The following DMD variants were observed in gnomAD, a reference collection of about 807,000 sequenced individuals.
DMD encodes the protein mutant dystrophin.
A neutral mutation model predicts 330.1 loss-of-function variants in DMD; 63 were observed. That is an observed-to-expected ratio of 0.19 (90% confidence interval 0.16 to 0.24). The LOEUF (loss-of-function observed/expected upper bound fraction) is 0.24. Ranked by LOEUF, DMD falls within the 10% of genes least tolerant of loss-of-function variation. The pLI is 1.00. For synonymous variants in DMD, 1,223 were observed against 959.8 expected (o/e 1.27, Z -5.07); for missense variants, 3,344 against 2,684.1 (o/e 1.25, Z -5.43).
chrX:31,426,955 A>C (rs917307476), intron 60 of DMD, among the ~76,000 whole-genome samples: 2 of 112,504 alleles, frequency 1.8e-5, no homozygotes, highest in Non-Finnish European at 3.7e-5. Flanking sequence ...AGGTTGAATG[A>C]ATATTTTACA....
Position 33,256,290 on chromosome X carries a change from A to T in DMD, c.7+82969T>A, listed in dbSNP as rs148531028. Reference sequence around the variant, plus strand: ...TATATTAGGGACAATTTCATGTCAAAACATTGAGTAGTCATGATATAATAA... The same window carrying T: ...TATATTAGGGACAATTTCATGTCAATACATTGAGTAGTCATGATATAATAA... On this transcript the variant is annotated intron_variant, in intron 1 of 17. Coordinates refer to the DMD transcript ENST00000288447. Among the ~76,000 whole-genome samples, 432 of 110,882 alleles carry T rather than the reference A, an allele frequency of 3.9e-3. 3 individuals are homozygous for T. Among genetic ancestry groups the T allele is most frequent in the African/African-American group, 0.013 (412 of 30,846 alleles).
rs777267263 is a variant in DMD, at chrX:31,592,285, A to G, written c.8217+35388T>C. ...TTAACAGTATGTCTAGTTAAAACAT[A>G]CATATATTCTACATATATGTAGTTT... On this transcript the variant is annotated intron_variant, in intron 55 of 78. Transcript: ENST00000357033. 2.8e-5 allele frequency among the ~76,000 whole-genome samples: 3 copies of G among 107,624 alleles called. No homozygotes were observed. The South Asian group carries it at 1.2e-3, about 43-fold the overall frequency. The allele number at this position is 107,624 out of a possible 115,157, so 93.5% of individuals were successfully genotyped here.
intron 9 of DMD, among the ~76,000 whole-genome samples, chrX:32,688,669 G>A (rs191951690): frequency 9.0e-6 from 1 of 111,397 alleles, no homozygotes; most frequent in East Asian, 2.8e-4. Context: ...TGAGAAAACT[G>A]AGTAATAGAG....
chrX:32,668,891 T>G (rs1450796195), intron 9 of DMD, among the ~76,000 whole-genome samples: 1 of 111,246 alleles, frequency 9.0e-6, no homozygotes, highest in Non-Finnish European at 1.9e-5. Context: ...GATTAAAACT[T>G]CTTATCGAAG....
intron 2 of DMD, among the ~76,000 whole-genome samples, chrX:32,957,132 T>G (rs2091641230): frequency 9.0e-6 from 1 of 111,644 alleles, no homozygotes. Flanking sequence ...ATGAACTTAC[T>G]TTTAGTGTCA....
At chrX:31,667,105 T>A (rs2081474600) in intron 53 of DMD, among the ~76,000 whole-genome samples, 1 of 111,711 alleles carries the variant, frequency 9.0e-6, no homozygotes, top group African/African-American at 3.3e-5. Flanking sequence ...CCATACCAAT[T>A]AACAGTCCCT....
chrX:32,935,915 A>C (rs2089985761), intron 2 of DMD, among the ~76,000 whole-genome samples: 1 of 111,462 alleles, frequency 9.0e-6, no homozygotes, highest in South Asian at 3.7e-4. Context: ...TGATTTCACT[A>C]GAAAGCATTA....
Position 31,922,216 on chromosome X carries a change from G to A in DMD, c.6912+7380C>T, listed in dbSNP as rs560646168. On this transcript the variant is annotated intron_variant, in intron 47 of 78. Coordinates refer to ENST00000357033, the MANE Select transcript of DMD (RefSeq NM_004006.3). ...AGAGGACAGAGTCCAGTGAGCTTCC[G>A]GGTAGCTGAACAGGTGGGGATTCCT... is the stretch of plus-strand genomic sequence containing the variant. Among the ~76,000 whole-genome samples the A allele has an allele frequency of 1.1e-4, 12 of 111,484 alleles. No individual in the cohort carries two copies. The South Asian group carries it at 3.8e-3, about 35-fold the overall frequency.
chrX:31,543,669 T>A (rs914339065), intron 55 of DMD, among the ~76,000 whole-genome samples: 3 of 112,342 alleles, frequency 2.7e-5, no homozygotes, highest in Non-Finnish European at 5.6e-5. Flanking sequence ...CTATTATAGA[T>A]ATGAAACATA....
At chrX:33,060,697 C>T (rs181999846) in intron 1 of DMD, among the ~76,000 whole-genome samples, 41 of 109,777 alleles carry the variant, frequency 3.7e-4, no homozygotes, top group African/African-American at 1.3e-3. Context: ...ATTAGCCGGG[C>T]GTGGTGGCAT....
At position 32,725,523 on chromosome X, in the gene DMD, A is replaced by C. The variant is rs371758514; in HGVS notation, c.650-26230T>G. 5.0e-3 allele frequency among the ~76,000 whole-genome samples: 557 copies of C among 111,194 alleles called. 13 individuals are homozygous for C. The highest frequency in any genetic ancestry group is 0.017 in the African/African-American group (528 of 30,694). On this transcript the variant is annotated intron_variant, in intron 7 of 78. Transcript: ENST00000357033. The stretch of plus-strand genomic sequence containing the variant: ...TTTCAGACAGAACAGATTTCAAGAC[A>C]AAAACAAAGAGTCAAAAAAGGTCAT...
At chrX:31,321,193 G>C (rs2056386095) in intron 62 of DMD, among the ~76,000 whole-genome samples, 1 of 111,667 alleles carries the variant, frequency 9.0e-6, no homozygotes, top group South Asian at 3.7e-4. Flanking sequence ...CGGTTTTTAA[G>C]TTTGGACAGG....
At chrX:32,663,183 G>C (rs1006018146) in intron 9 of DMD, among the ~76,000 whole-genome samples, 1 of 111,786 alleles carries the variant, frequency 8.9e-6, no homozygotes, top group African/African-American at 3.2e-5. Context: ...GATGCCATCA[G>C]CACAGGGATA....
chrX:32,280,714 C>A (rs2097417578), intron 43 of DMD, among the ~76,000 whole-genome samples: 1 of 111,986 alleles, frequency 8.9e-6, no homozygotes, highest in Admixed American at 9.5e-5. Context: ...CCAGATTATG[C>A]ATCTGTCCCT....
At position 32,849,950 on chromosome X, in the gene DMD, T is replaced by A. The variant is rs992517938; in HGVS notation, c.94-130A>T. The stretch of plus-strand genomic sequence containing the variant: ...GTGTGCATAATTAATCTGCCGAAGA[T>A]GACGGATGAAAAAAGGAAAGTTCAA... On this transcript the variant is annotated intron_variant, in intron 2 of 78. Coordinates refer to ENST00000357033, the MANE Select transcript of DMD (RefSeq NM_004006.3). The A allele has an allele frequency of 1.1e-5, 6 of 554,904 alleles. No homozygotes were observed. The African/African-American group carries it at 1.4e-4, about 13-fold the overall frequency. The allele number at this position is 554,904 out of a possible 1,213,427, so 45.7% of individuals were successfully genotyped here.
intron 2 of DMD, among the ~76,000 whole-genome samples, chrX:32,853,635 C>T (rs1303575456): frequency 3.7e-5 from 4 of 109,234 alleles, no homozygotes; most frequent in African/African-American, 6.6e-5. Flanking sequence ...AGAGAAAAAT[C>T]GCCTTCACTA....
intron 60 of DMD, among the ~76,000 whole-genome samples, chrX:31,356,237 C>T (rs1337598146): frequency 9.0e-6 from 1 of 111,572 alleles, no homozygotes; most frequent in African/African-American, 3.3e-5. Flanking sequence ...GATACTAATG[C>T]CGTGCCATCT....
chrX:31,297,864 T>G (rs2054308331), intron 62 of DMD, among the ~76,000 whole-genome samples: 2 of 112,623 alleles, frequency 1.8e-5, no homozygotes, highest in African/African-American at 3.2e-5. Flanking sequence ...GAGTGCACAC[T>G]GAGACATGTG....
chrX:33,228,370 G>A (rs1024254064), intron 1 of DMD, among the ~76,000 whole-genome samples: 3 of 107,618 alleles, frequency 2.8e-5, no homozygotes, highest in Non-Finnish European at 3.9e-5. Flanking sequence ...CTCTCTCCAC[G>A]TTAGCAAATG....
Sources: allele counts gnomAD v4.1 joint callset (sites outside exome capture counted in the v4.1 genomes callset), GRCh38; gene constraint gnomAD v4.1.1; transcripts MANE v1.5; gene names NCBI Gene and HGNC (gene_info 2026-07-23, HGNC 2026-07-21).